Variants in HERC3 observed in about 807,000 individuals in gnomAD.
HERC3 encodes the protein HECT and RLD domain containing E3 ubiquitin protein ligase 3.
A neutral mutation model predicts 129.9 loss-of-function variants in HERC3; 58 were observed. The observed-to-expected ratio is 0.45, with a 90% CI of 0.36 to 0.56. The LOEUF (loss-of-function observed/expected upper bound fraction) is 0.56. HERC3 is among the 20% of genes least tolerant of loss of function. The pLI is 0.00. For missense variants in HERC3, 835 were observed against 1,244.2 expected (o/e 0.67, Z 4.95); for synonymous variants, 430 against 451.0 (o/e 0.95, Z 0.59).
chr4:88,697,720 G>T, intron 23 of HERC3: 1 of 1,611,524 alleles, frequency 6.2e-7, no homozygotes, highest in Non-Finnish European at 8.5e-7. Flanking sequence ...CGCCTGGCTA[G>T]GCTCCGCAGG....
At chr4:88,667,098 C>T (rs1027703995) in intron 12 of HERC3, among the ~76,000 whole-genome samples, 1 of 152,170 alleles carries the variant, frequency 6.6e-6, no homozygotes, top group Non-Finnish European at 1.5e-5. Context: ...CTTGATATGA[C>T]AGTCCTTGTA....
intron 20 of HERC3, 59 bp from the exon 21 acceptor site, chr4:88,681,100 T>A (rs896793568): frequency 2.0e-6 from 3 of 1,499,194 alleles, no homozygotes; most frequent in Non-Finnish European, 2.7e-6. Flanking sequence ...AATGGTAGAA[T>A]GTTTGAAGGC....
intron 9 of HERC3, chr4:88,657,011 A>C (rs537342436): frequency 6.6e-6 from 1 of 152,118 alleles, no homozygotes; most frequent in African/African-American, 2.4e-5. Context: ...TCTTCCCTTA[A>C]AAAATAGTTA....
the HERC3 span, among the ~76,000 whole-genome samples, chr4:88,566,840 A>G: frequency 6.6e-6 from 1 of 152,194 alleles, no homozygotes; most frequent in South Asian, 2.1e-4. Flanking sequence ...CTGAGGCTGG[A>G]GTGCAGTGGC....
At chr4:88,611,668 G>A (rs891104030) in intron 3 of HERC3, among the ~76,000 whole-genome samples, 2 of 152,242 alleles carry the variant, frequency 1.3e-5, no homozygotes, top group African/African-American at 4.8e-5. Flanking sequence ...CCAACTCCAA[G>A]TGGCTTACAG....
chr4:88,636,662 T>A (rs1727441313), intron 3 of HERC3, among the ~76,000 whole-genome samples: 1 of 152,108 alleles, frequency 6.6e-6, no homozygotes, highest in Non-Finnish European at 1.5e-5. Context: ...TCTACAGAGC[T>A]CTCCACCCCA....
rs997633487 is a variant in HERC3, at chr4:88,669,710, TA to T, written c.1634-148del. On this transcript the variant is annotated intron_variant, in intron 14 of 25. Coordinates refer to ENST00000402738, the MANE Select transcript of HERC3 (RefSeq NM_014606.3). Reference sequence around the variant, plus strand: ...GCTGTTGTTCTCCCCAAAAAGGTTTTAATGGATTCTTTTTAAAGTCAGTTTT... The same window carrying T: ...GCTGTTGTTCTCCCCAAAAAGGTTTTATGGATTCTTTTTAAAGTCAGTTTT... The T allele has an allele frequency of 4.8e-6, 3 of 623,194 alleles. No homozygotes were observed. In the African/African-American group the frequency reaches 5.5e-5, roughly 11 times the overall value. The allele number at this position is 623,194 out of a possible 1,614,324, so 38.6% of individuals were successfully genotyped here.
At chr4:88,555,519 A>C in the HERC3 span, among the ~76,000 whole-genome samples, 1 of 152,140 alleles carries the variant, frequency 6.6e-6, no homozygotes, top group South Asian at 2.1e-4. Context: ...TACAAGTGAA[A>C]ATTTGATTAA....
chr4:88,598,724 C>T (rs1722667618), intron 2 of HERC3, among the ~76,000 whole-genome samples: 3 of 152,194 alleles, frequency 2.0e-5, no homozygotes, highest in Non-Finnish European at 4.4e-5. Context: ...AAACATCTTT[C>T]CTCAGGTTTC....
At position 88,670,061 on chromosome 4, in the gene HERC3, G is replaced by C; in HGVS notation, c.1797+38G>C. 1.9e-6 allele frequency: 3 copies of C among 1,607,182 alleles called. No individual in the cohort carries two copies. In the South Asian group the frequency reaches 3.3e-5, roughly 18 times the overall value. On this transcript the variant is annotated intron_variant, in intron 15 of 25. Transcript: ENST00000402738. The stretch of plus-strand genomic sequence containing the variant: ...GGTGCTAGTGGGGAGGGGGTGATTA[G>C]ATGGTAGGGTAAAATGTCCTAGTGA...
chr4:88,599,625 A>G (rs1268468549), intron 2 of HERC3, among the ~76,000 whole-genome samples: 2 of 152,224 alleles, frequency 1.3e-5, no homozygotes, highest in Non-Finnish European at 2.9e-5. Flanking sequence ...AAAAGCTGAT[A>G]GACCCAGGAC....
chr4:88,624,228 A>G (rs1038308949), intron 3 of HERC3, among the ~76,000 whole-genome samples: 1 of 152,244 alleles, frequency 6.6e-6, no homozygotes, highest in Admixed American at 6.5e-5. Flanking sequence ...TGTTATGAAC[A>G]TTCAATTACA....
the HERC3 span, among the ~76,000 whole-genome samples, chr4:88,571,467 T>G: frequency 6.6e-6 from 1 of 152,230 alleles, no homozygotes; most frequent in African/African-American, 2.4e-5. Context: ...TTTGAAAATA[T>G]ATTCAAAGGT....
At chr4:88,650,576 T>G (rs1729164702) in intron 4 of HERC3, among the ~76,000 whole-genome samples, 1 of 152,214 alleles carries the variant, frequency 6.6e-6, no homozygotes, top group Non-Finnish European at 1.5e-5. Context: ...TGAAGTTACT[T>G]TCAAATGGAC....
At chr4:88,647,864 T>G (rs1388332132) in intron 3 of HERC3, among the ~76,000 whole-genome samples, 4 of 151,682 alleles carry the variant, frequency 2.6e-5, no homozygotes, top group Admixed American at 6.6e-5. Flanking sequence ...GCTTATAATA[T>G]TATTTCTTGA....
the HERC3 span, among the ~76,000 whole-genome samples, chr4:88,563,939 T>C: frequency 6.6e-6 from 1 of 152,226 alleles, no homozygotes; most frequent in Admixed American, 6.5e-5. Context: ...ATTACAGGCG[T>C]GAGCCACCAT....
chr4:88,603,182 T>A (rs1723206975), intron 2 of HERC3, among the ~76,000 whole-genome samples: 1 of 151,990 alleles, frequency 6.6e-6, no homozygotes, highest in South Asian at 2.1e-4. Flanking sequence ...TGCAGCCATA[T>A]TACAGGCTTC....
intron 6 of HERC3, among the ~76,000 whole-genome samples, chr4:88,653,640 G>A (rs1325714549): frequency 1.3e-5 from 2 of 152,220 alleles, no homozygotes; most frequent in African/African-American, 4.8e-5. Flanking sequence ...GGCTGTAGTG[G>A]GTCAAGGGGG....
At position 88,708,160 on chromosome 4, in the gene HERC3, G is replaced by T. The variant is rs1195197916; in HGVS notation, c.*1200G>T. On this transcript the variant is annotated 3_prime_UTR_variant, in exon 26 of 26. Transcript: ENST00000402738. ...GTTTGTTTACAGTGGGATTTTAGGGGGGATTGTGTTTAAATCAAATATATG... is the reference window on the plus strand; with the variant it reads ...GTTTGTTTACAGTGGGATTTTAGGGTGGATTGTGTTTAAATCAAATATATG... 6.6e-6 allele frequency: 1 copy of T among 152,344 alleles called. No individual in the cohort carries two copies. The highest frequency in any genetic ancestry group is 1.5e-5 in the Non-Finnish European group (1 of 67,996). 9.4% of individuals were successfully genotyped at this position (152,344 alleles called of 1,614,324 possible). A position where few individuals can be genotyped will look rare whatever the true frequency, so the allele number is the denominator to read the frequency against.
Sources: allele counts gnomAD v4.1 joint callset (sites outside exome capture counted in the v4.1 genomes callset), GRCh38; gene constraint gnomAD v4.1.1; transcripts MANE v1.5; gene names NCBI Gene and HGNC (gene_info 2026-07-23, HGNC 2026-07-21).